Variants in MEIS2 observed in about 807,000 individuals in gnomAD.
MEIS2 encodes Meis homeobox 2.
A neutral mutation model predicts 58.6 loss-of-function variants in MEIS2; 9 were observed. That is an observed-to-expected ratio of 0.15 (90% CI 0.09 to 0.27). MEIS2 has a LOEUF of 0.27. MEIS2 is among the 10% of genes least tolerant of loss of function. The pLI is 1.00. For synonymous variants in MEIS2, 221 were observed against 228.4 expected, an observed-to-expected ratio of 0.97 and a Z score of 0.29; for missense variants, 427 against 635.0, an observed-to-expected ratio of 0.67 and a Z score of 3.52.
chr15:36,909,881 G>A (rs1416990561), intron 9 of MEIS2, among the ~76,000 whole-genome samples: 1 of 151,260 alleles, frequency 6.6e-6, no homozygotes, highest in East Asian at 2.0e-4. Flanking sequence ...TAGGAGAGAG[G>A]GATAGAGAAT....
At chr15:36,912,352 G>A (rs2057071137) in intron 9 of MEIS2, among the ~76,000 whole-genome samples, 1 of 152,148 alleles carries the variant, frequency 6.6e-6, no homozygotes, top group African/African-American at 2.4e-5. Context: ...ACATACTGAT[G>A]TTGCATAATT....
chr15:36,908,230 T>C (rs1336850775), intron 9 of MEIS2, among the ~76,000 whole-genome samples: 1 of 152,238 alleles, frequency 6.6e-6, no homozygotes, highest in African/African-American at 2.4e-5. Context: ...CCAGAGATGT[T>C]ATACGCAGTC....
chr15:36,890,918 G>C lies in MEIS2; in HGVS notation c.*1255C>G, dbSNP rs1404453563. The stretch of plus-strand genomic sequence containing the variant: ...TGATTACCTTAAAAATTATTGATGA[G>C]TTTAAAATATACTCAACTGCTGGGG... On this transcript the variant is annotated 3_prime_UTR_variant, in exon 12 of 12. Coordinates refer to ENST00000561208, the MANE Select transcript of MEIS2 (RefSeq NM_170675.5). 6.6e-6 allele frequency: 1 copy of C among 152,254 alleles called. No individual in the cohort carries two copies. The highest frequency in any genetic ancestry group is 1.5e-5 in the Non-Finnish European group (1 of 68,002). The allele number at this position is 152,254 out of a possible 1,614,324, so 9.4% of individuals were successfully genotyped here.
intron 6 of MEIS2, among the ~76,000 whole-genome samples, chr15:37,084,435 A>G (rs1030471799): frequency 6.6e-6 from 1 of 152,246 alleles, no homozygotes; most frequent in Admixed American, 6.5e-5. Context: ...TCTCAAAATT[A>G]TCAACTGATT....
intron 9 of MEIS2, among the ~76,000 whole-genome samples, chr15:36,936,357 A>G (rs837131): frequency 0.28 from 42,102 of 151,770 alleles, 6,100 homozygotes; most frequent in Non-Finnish European, 0.32. Context: ...CACCACGCCC[A>G]GCTAATTTTT....
intron 9 of MEIS2, among the ~76,000 whole-genome samples, chr15:36,918,922 A>G (rs1382015251): frequency 6.6e-6 from 1 of 152,192 alleles, no homozygotes; most frequent in East Asian, 1.9e-4. Context: ...ACCATTTCTC[A>G]TCTGTAAAAT....
chr15:37,087,797 A>G (rs888012600), intron 6 of MEIS2, among the ~76,000 whole-genome samples: 2 of 152,188 alleles, frequency 1.3e-5, no homozygotes, highest in African/African-American at 4.8e-5. Flanking sequence ...AGAATACTTA[A>G]TAAGTCTCGG....
At position 37,057,736 on chromosome 15, in the gene MEIS2, T is replaced by C. The variant is rs1364825883; in HGVS notation, c.755-20777A>G. Reference sequence around the variant, plus strand: ...TCTTTTTTCCCCCCGGTAGAGTTTGTGCTACCCTATTTTCAGCAATGTTAA... The same window carrying C: ...TCTTTTTTCCCCCCGGTAGAGTTTGCGCTACCCTATTTTCAGCAATGTTAA... On this transcript the variant is annotated intron_variant, in intron 7 of 11. Coordinates refer to ENST00000561208, the MANE Select transcript of MEIS2 (RefSeq NM_170675.5). Among the ~76,000 whole-genome samples, 7 of 152,228 alleles carry C rather than the reference T, an allele frequency of 4.6e-5. No homozygotes were observed. The East Asian group carries it at 9.7e-4, about 21-fold the overall frequency.
intron 9 of MEIS2, among the ~76,000 whole-genome samples, chr15:36,936,197 C>CTTTT (rs397953201): frequency 2.5e-4 from 35 of 139,124 alleles, no homozygotes; most frequent in African/African-American, 8.2e-4. Context: ...CATTTTCTTT[C>CTTTT]TTTTTTTTTT....
At chr15:37,022,683 AG>A (rs1307108969) in intron 8 of MEIS2, among the ~76,000 whole-genome samples, 2 of 152,204 alleles carry the variant, frequency 1.3e-5, no homozygotes, top group African/African-American at 4.8e-5. Context: ...TCTGTCGCCC[AG>A]GTTGGAGTGC....
chr15:36,889,513 G>A lies in MEIS2; in HGVS notation c.*2660C>T, dbSNP rs1042813008. On this transcript the variant is annotated 3_prime_UTR_variant, in exon 12 of 12. Transcript: ENST00000561208. Reference sequence around the variant, plus strand: ...TTATCATTCATCTCCAAATATTTAAGAAGGTTAAAGTTAACATGATAGGAC... The same window carrying A: ...TTATCATTCATCTCCAAATATTTAAAAAGGTTAAAGTTAACATGATAGGAC... The A allele has an allele frequency of 6.6e-6, 1 of 152,180 alleles. No individual in the cohort carries two copies. The highest frequency in any genetic ancestry group is 2.4e-5 in the African/African-American group (1 of 41,436). The allele number at this position is 152,180 out of a possible 1,614,324, so 9.4% of individuals were successfully genotyped here. A position where few individuals can be genotyped will look rare whatever the true frequency, so the allele number is the denominator to read the frequency against.
intron 8 of MEIS2, among the ~76,000 whole-genome samples, chr15:36,999,793 T>G (rs1481043869): frequency 6.6e-6 from 1 of 152,266 alleles, no homozygotes; most frequent in Non-Finnish European, 1.5e-5. Context: ...GCAGCTATTA[T>G]GTGCTTGGCA....
At position 36,890,794 on chromosome 15, in the gene MEIS2, A is replaced by C. The variant is rs1317969459; in HGVS notation, c.*1379T>G. Reference sequence around the variant, plus strand: ...AAGGAGGTTGAGCATGTTCAAGGGGATCTTTCAACCTGGCTCATCATGTAC... The same window carrying C: ...AAGGAGGTTGAGCATGTTCAAGGGGCTCTTTCAACCTGGCTCATCATGTAC... On this transcript the variant is annotated 3_prime_UTR_variant, in exon 12 of 12. Coordinates refer to ENST00000561208, the MANE Select transcript of MEIS2 (RefSeq NM_170675.5). 2.0e-5 allele frequency: 3 copies of C among 152,174 alleles called. No individual in the cohort carries two copies. Among genetic ancestry groups the C allele is most frequent in the Non-Finnish European group, 4.4e-5 (3 of 68,022 alleles). 9.4% of individuals were successfully genotyped at this position (152,174 alleles called of 1,614,324 possible).
At chr15:37,093,896 A>T in intron 5 of MEIS2, 166 bp from the exon 6 acceptor site, 1 of 795,230 alleles carries the variant, frequency 1.3e-6, no homozygotes, top group South Asian at 1.9e-5. Context: ...AGTTGAAGGC[A>T]AGGAAACAAT....
Position 36,934,266 on chromosome 15 carries a change from GT to G in MEIS2, c.977+16057del, listed in dbSNP as rs796949461. ...GAGGAGAACATATCCACCCATTTGT[GT>G]TTTTTTTTTTCCTCCGTAACAATTC... On this transcript the variant is annotated intron_variant, in intron 9 of 11. Coordinates refer to ENST00000561208, the MANE Select transcript of MEIS2 (RefSeq NM_170675.5). 4.0e-3 allele frequency among the ~76,000 whole-genome samples: 577 copies of G among 145,096 alleles called. 3 individuals carry two copies. The highest frequency in any genetic ancestry group is 9.3e-3 in the South Asian group (43 of 4,644).
intron 8 of MEIS2, among the ~76,000 whole-genome samples, chr15:37,006,447 G>A (rs2060926773): frequency 6.6e-6 from 1 of 152,166 alleles, no homozygotes; most frequent in Admixed American, 6.5e-5. Context: ...ACTTTCAGGG[G>A]TGTGACCTTA....
chr15:37,064,980 C>G (rs1410640729), intron 7 of MEIS2, among the ~76,000 whole-genome samples: 1 of 152,150 alleles, frequency 6.6e-6, no homozygotes, highest in Non-Finnish European at 1.5e-5. Context: ...GCACAGAAAA[C>G]TTTGAACATA....
chr15:37,037,544 A>G (rs1251579619), intron 7 of MEIS2, among the ~76,000 whole-genome samples: 1 of 152,142 alleles, frequency 6.6e-6, no homozygotes, highest in East Asian at 1.9e-4. Context: ...ATCATGAAAA[A>G]AAAAAAGATA....
chr15:36,928,025 A>G (rs1047262526), intron 9 of MEIS2, among the ~76,000 whole-genome samples: 1 of 152,202 alleles, frequency 6.6e-6, no homozygotes, highest in African/African-American at 2.4e-5. Flanking sequence ...ATAAACCACC[A>G]TCATTTAGAA....
Sources: gnomAD v4.1 joint callset for allele counts (sites outside exome capture counted in the v4.1 genomes callset) on GRCh38, gnomAD v4.1.1 for gene constraint, MANE v1.5 for transcripts, NCBI Gene and HGNC (gene_info 2026-07-23, HGNC 2026-07-21) for gene names.